The following SYN3 variants were observed in gnomAD, a reference collection of about 807,000 sequenced individuals.
SYN3 encodes the protein synapsin-3.
Under a neutral mutation model 65.8 loss-of-function variants are expected in SYN3, and 35 were observed. The ratio of observed to expected loss-of-function variants is 0.53; its 90% CI spans 0.41 to 0.70. The LOEUF is 0.70. SYN3 is among the 30% of genes least tolerant of loss of function. SYN3 has a pLI of 0.00. For synonymous variants in SYN3, 270 were observed against 292.9 expected (o/e 0.92, Z 0.80); for missense variants, 680 against 749.0 (o/e 0.91, Z 1.08).
At chr22:32,604,593 G>C (rs187186111) in intron 6 of SYN3, among the ~76,000 whole-genome samples, 1 of 151,584 alleles carries the variant, frequency 6.6e-6, no homozygotes, top group South Asian at 2.1e-4. Flanking sequence ...TCATGTCTCC[G>C]CTGAAATTCT....
At position 32,995,816 on chromosome 22, in the gene SYN3, CCACG is replaced by C. The variant is rs202039775; in HGVS notation, c.311+10532_311+10535del. ...TAGCTGGGATTACAGGCATGCGCCA[CCACG>C]CTCAGTTAATTTTTGTATTTTTAGT... On this transcript the variant is annotated intron_variant, in intron 2 of 13. Transcript: ENST00000358763. 8.1e-3 allele frequency among the ~76,000 whole-genome samples: 1,238 copies of C among 152,290 alleles called. 18 individuals are homozygous for C. Among genetic ancestry groups the C allele is most frequent in the African/African-American group, 0.028 (1,170 of 41,538 alleles).
intron 6 of SYN3, among the ~76,000 whole-genome samples, chr22:32,599,542 C>T (rs1312607641): frequency 1.3e-5 from 2 of 151,852 alleles, no homozygotes; most frequent in South Asian, 2.1e-4. Context: ...AGGATGGTCT[C>T]GATCTCCTGA....
chr22:32,561,762 T>G (rs754307262), intron 7 of SYN3, among the ~76,000 whole-genome samples: 1 of 152,186 alleles, frequency 6.6e-6, no homozygotes, highest in African/African-American at 2.4e-5. Flanking sequence ...TGGAATCTAC[T>G]CTGCTTCTGA....
rs564088564 is a variant in SYN3, at chr22:32,993,722, T to C, written c.311+12630A>G. ...ATGGTGCCTGGGAATCTGAATGTCA[T>C]TGTGATAGAAAGTCTTTTGGGGGCC... On this transcript the variant is annotated intron_variant, in intron 2 of 13. Coordinates refer to ENST00000358763, the MANE Select transcript of SYN3 (RefSeq NM_003490.4). Among the ~76,000 whole-genome samples the C allele has an allele frequency of 9.4e-5, 14 of 148,760 alleles. No homozygotes were observed. The South Asian group carries it at 2.0e-3, about 21-fold the overall frequency.
At chr22:32,728,801 T>C (rs1009305467) in intron 6 of SYN3, among the ~76,000 whole-genome samples, 5 of 152,190 alleles carry the variant, frequency 3.3e-5, no homozygotes, top group Non-Finnish European at 7.3e-5. Context: ...AGTTGAAGTA[T>C]TTATCCAACA....
chr22:32,653,554 G>A (rs1242246150), intron 6 of SYN3, among the ~76,000 whole-genome samples: 1 of 152,182 alleles, frequency 6.6e-6, no homozygotes, highest in African/African-American at 2.4e-5. Context: ...CAGGGACCAG[G>A]CTCATGGTGT....
Position 32,512,736 on chromosome 22 carries a change from A to C in SYN3, c.*956T>G, listed in dbSNP as rs17772478. 0.023 allele frequency: 3,520 copies of C among 152,322 alleles called. 88 individuals are homozygous for C. The highest frequency in any genetic ancestry group is 0.077 in the Admixed American group (1,172 of 15,302). 9.4% of individuals were successfully genotyped at this position (152,322 alleles called of 1,614,324 possible). ...GCTGTACAGAGTTTGTGAAATGCCA[A>C]ACTAGAAGTGACTATCATTGCACTT... On this transcript the variant is annotated 3_prime_UTR_variant, in exon 14 of 14. Coordinates refer to ENST00000358763, the MANE Select transcript of SYN3 (RefSeq NM_003490.4).
chr22:32,844,673 T>C (rs2048010669), intron 6 of SYN3, among the ~76,000 whole-genome samples: 1 of 152,154 alleles, frequency 6.6e-6, no homozygotes, highest in Non-Finnish European at 1.5e-5. Context: ...GAAATACTGC[T>C]TATTCCTTAA....
intron 6 of SYN3, among the ~76,000 whole-genome samples, chr22:32,674,361 T>A (rs135310): frequency 6.6e-6 from 1 of 151,944 alleles, no homozygotes; most frequent in Non-Finnish European, 1.5e-5. Context: ...AAGACTGGAC[T>A]CTGGCCTGCA....
rs184423166 is a variant in SYN3 at position 32,732,266 on chromosome 22, T to C, written c.711+132649A>G. 5.3e-4 allele frequency among the ~76,000 whole-genome samples: 81 copies of C among 152,350 alleles called. 1 individual carries two copies. The highest frequency in any genetic ancestry group is 1.7e-3 in the African/African-American group (72 of 41,590). ...GCTTCATCCCCAGCACTTAGGACAG[T>C]GCCCGACACACAGCAAGCCTGCTGA... On this transcript the variant is annotated intron_variant, in intron 6 of 13. Transcript: ENST00000358763.
intron 1 of SYN3, among the ~76,000 whole-genome samples, chr22:33,049,589 C>A (rs1319724955): frequency 6.6e-6 from 1 of 152,178 alleles, no homozygotes; most frequent in Non-Finnish European, 1.5e-5. Context: ...GCTATTGATA[C>A]CCGCCTCCCC....
chr22:32,964,286 G>A (rs1427304127), intron 3 of SYN3, among the ~76,000 whole-genome samples: 2 of 131,922 alleles, frequency 1.5e-5, no homozygotes, highest in African/African-American at 5.7e-5. Flanking sequence ...GTTGTGGGGT[G>A]GGGGGAGGGG....
At chr22:32,695,172 G>T (rs180873303) in intron 6 of SYN3, among the ~76,000 whole-genome samples, 138 of 152,196 alleles carry the variant, frequency 9.1e-4, no homozygotes, top group African/African-American at 3.1e-3. Context: ...TGTCCAGCAT[G>T]CATATTCATA....
intron 6 of SYN3, among the ~76,000 whole-genome samples, chr22:32,822,868 C>T (rs191527769): frequency 1.3e-5 from 2 of 151,360 alleles, no homozygotes; most frequent in Admixed American, 1.3e-4. Context: ...CCAGAATAGC[C>T]CTATGGTGCA....
chr22:33,015,277 C>T, intron 1 of SYN3: 1 of 516,572 alleles, frequency 1.9e-6, no homozygotes, highest in South Asian at 2.3e-5. Context: ...CCAAAAGGAG[C>T]AGACTATTTT....
chr22:33,054,638 C>G (rs944222810), intron 1 of SYN3, among the ~76,000 whole-genome samples: 11 of 152,202 alleles, frequency 7.2e-5, no homozygotes, highest in African/African-American at 2.2e-4. Flanking sequence ...ATTCTGGATG[C>G]TTCACATAAA....
intron 12 of SYN3, chr22:32,519,549 A>T (rs1446009266): frequency 6.6e-6 from 1 of 152,200 alleles, no homozygotes; most frequent in African/African-American, 2.4e-5. Context: ...GAAAGCTCAA[A>T]GAGAATCTTG....
intron 6 of SYN3, chr22:32,857,211 T>G (rs749078043): frequency 1.2e-5 from 18 of 1,535,608 alleles, no homozygotes; most frequent in Non-Finnish European, 1.6e-5. Context: ...GTGTCCAAAC[T>G]GGGAAAGAAG....
intron 7 of SYN3, among the ~76,000 whole-genome samples, chr22:32,592,733 T>C (rs916858348): frequency 2.0e-5 from 3 of 152,148 alleles, no homozygotes; most frequent in East Asian, 3.9e-4. Flanking sequence ...CTAGGTAGAA[T>C]TAAGTTCTTT....
Sources: gnomAD v4.1 joint callset for allele counts (sites outside exome capture counted in the v4.1 genomes callset) on GRCh38, gnomAD v4.1.1 for gene constraint, MANE v1.5 for transcripts, NCBI Gene and HGNC (gene_info 2026-07-23, HGNC 2026-07-21) for gene names.